Variants in REDIC1 observed in about 807,000 individuals in gnomAD.
The protein encoded by REDIC1 is regulator of DNA class I crossover intermediates 1.
At chr12:39,630,891 C>A in the REDIC1 span, among the ~76,000 whole-genome samples, 2 of 152,136 alleles carry the variant, frequency 1.3e-5, no homozygotes, top group Non-Finnish European at 2.9e-5. Flanking sequence ...TCCTAGTTTG[C>A]CTGAAACGGT....
At chr12:39,682,630 C>T in the REDIC1 span, 1 of 1,580,154 alleles carries the variant, frequency 6.3e-7, no homozygotes, top group Non-Finnish European at 8.6e-7. Flanking sequence ...TAGGAATTTA[C>T]TTACTAAAAG....
At chr12:39,717,229 A>G in the REDIC1 span, among the ~76,000 whole-genome samples, 2,337 of 151,658 alleles carry the variant, frequency 0.015, 57 homozygotes, top group African/African-American at 0.051. Context: ...GATGCTGCCC[A>G]GTCAGAAATC....
chr12:39,753,016 T>A, the REDIC1 span, among the ~76,000 whole-genome samples: 1 of 152,162 alleles, frequency 6.6e-6, no homozygotes, highest in Non-Finnish European at 1.5e-5. Context: ...TGTAACACAC[T>A]CAGGTGATGC....
At chr12:39,717,120 CATACATATATATACATATATATGTTAT>C in the REDIC1 span, among the ~76,000 whole-genome samples, 1 of 135,786 alleles carries the variant, frequency 7.4e-6, no homozygotes, top group Non-Finnish European at 1.5e-5. Context: ...ACCTTATATA[CATACATATATATACATATATATGTTAT>C]ATATATACAC....
At chr12:39,762,073 C>T in the REDIC1 span, among the ~76,000 whole-genome samples, 2 of 151,914 alleles carry the variant, frequency 1.3e-5, no homozygotes, top group Non-Finnish European at 2.9e-5. Context: ...AATACAAGAC[C>T]GTTTTACAAA....
the REDIC1 span, among the ~76,000 whole-genome samples, chr12:39,896,454 GTA>G: frequency 5.0e-5 from 7 of 141,040 alleles, no homozygotes; most frequent in South Asian, 2.2e-4. Flanking sequence ...GTATATGTGT[GTA>G]TATATGTATA....
At chr12:39,896,183 T>C in the REDIC1 span, among the ~76,000 whole-genome samples, 6 of 148,974 alleles carry the variant, frequency 4.0e-5, no homozygotes, top group Non-Finnish European at 7.5e-5. Context: ...AATATGTATA[T>C]ATGTATATAT....
At chr12:39,758,453 G>C in the REDIC1 span, 1 of 151,826 alleles carries the variant, frequency 6.6e-6, no homozygotes, top group Non-Finnish European at 1.5e-5. Context: ...TAGATGTTTA[G>C]AGCCATTTAA....
the REDIC1 span, among the ~76,000 whole-genome samples, chr12:39,686,850 C>G: frequency 1.3e-5 from 2 of 152,338 alleles, no homozygotes; most frequent in South Asian, 2.1e-4. Flanking sequence ...TATGAAGCAG[C>G]TGGTCCATAT....
the REDIC1 span, among the ~76,000 whole-genome samples, chr12:39,806,877 C>T: frequency 6.6e-6 from 1 of 152,006 alleles, no homozygotes; most frequent in East Asian, 1.9e-4. Flanking sequence ...TCATACTATA[C>T]AATACTACTC....
chr12:39,740,528 G>T, the REDIC1 span, among the ~76,000 whole-genome samples: 1 of 152,084 alleles, frequency 6.6e-6, no homozygotes, highest in Admixed American at 6.5e-5. Flanking sequence ...TATTTTCTGG[G>T]CACCACTTTA....
the REDIC1 span, among the ~76,000 whole-genome samples, chr12:39,788,031 C>T: frequency 6.6e-6 from 1 of 152,078 alleles, no homozygotes; most frequent in Non-Finnish European, 1.5e-5. Flanking sequence ...AGGACAATTA[C>T]ATAATAATAC....
chr12:39,675,310 C>G, the REDIC1 span, among the ~76,000 whole-genome samples: 2 of 152,148 alleles, frequency 1.3e-5, no homozygotes, highest in African/African-American at 4.8e-5. Flanking sequence ...TAACTCTGCC[C>G]TTACCTGATT....
chr12:39,629,607 A>C, the REDIC1 span, among the ~76,000 whole-genome samples: 2 of 152,140 alleles, frequency 1.3e-5, no homozygotes, highest in African/African-American at 2.4e-5. Context: ...TCTTTTTGTA[A>C]AGGAAAGAGC....
At chr12:39,781,093 C>T in the REDIC1 span, among the ~76,000 whole-genome samples, 6 of 151,894 alleles carry the variant, frequency 4.0e-5, no homozygotes, top group East Asian at 1.2e-3. Context: ...CTGCAATTGC[C>T]TTTTTTTTAC....
At chr12:39,834,012 C>T in the REDIC1 span, among the ~76,000 whole-genome samples, 1 of 151,994 alleles carries the variant, frequency 6.6e-6, no homozygotes, top group African/African-American at 2.4e-5. Context: ...AACAAACAGG[C>T]CTCACTGAGT....
At chr12:39,653,558 T>TTC in the REDIC1 span, among the ~76,000 whole-genome samples, 1,191 of 43,550 alleles carry the variant, frequency 0.027, 312 homozygotes, top group Middle Eastern at 0.05. Flanking sequence ...CTTCTTCTTC[T>TTC]TTCTTCTTCT....
At chr12:39,638,586 G>A in the REDIC1 span, among the ~76,000 whole-genome samples, 1 of 152,104 alleles carries the variant, frequency 6.6e-6, no homozygotes, top group African/African-American at 2.4e-5. Flanking sequence ...TCTGACTGAT[G>A]CACTCTTCTT....
At chr12:39,903,348 AC>A in the REDIC1 span, among the ~76,000 whole-genome samples, 1 of 152,126 alleles carries the variant, frequency 6.6e-6, no homozygotes, top group East Asian at 1.9e-4. Flanking sequence ...CAAAAGGTGT[AC>A]AAACATTGAA....
Sources: allele counts gnomAD v4.1 joint callset (sites outside exome capture counted in the v4.1 genomes callset), GRCh38; gene constraint gnomAD v4.1.1; transcripts MANE v1.5; gene names NCBI Gene and HGNC (gene_info 2026-07-23, HGNC 2026-07-21).